The following FAT3 variants were observed in gnomAD, a reference collection of about 807,000 sequenced individuals.
FAT3 encodes FAT atypical cadherin 3.
FAT3 carries 95 observed loss-of-function variants against 310.2 expected under a neutral mutation model. The ratio of observed to expected loss-of-function variants is 0.31; its 90% CI spans 0.26 to 0.36. The LOEUF is 0.36. Ranked by LOEUF, FAT3 falls within the 10% of genes least tolerant of loss-of-function variation. The probability of loss-of-function intolerance (pLI) is 1.00; values close to 1 mark genes in which losing one functional copy is unlikely to be tolerated. For synonymous variants in FAT3, 2,314 were observed against 2,192.9 expected (o/e 1.06, Z -1.54); for missense variants, 5,408 against 5,715.6 (o/e 0.95, Z 1.74).
chr11:92,251,182 C>G (rs985269285), intron 1 of FAT3, among the ~76,000 whole-genome samples: 1 of 152,096 alleles, frequency 6.6e-6, no homozygotes, highest in Non-Finnish European at 1.5e-5. Flanking sequence ...GTGCTAGGTA[C>G]TGTCTAGATA....
At chr11:92,239,733 C>T (rs1386746144) in intron 1 of FAT3, among the ~76,000 whole-genome samples, 1 of 152,086 alleles carries the variant, frequency 6.6e-6, no homozygotes. Context: ...CTGATTTTGG[C>T]TTCTCAGCTG....
Position 92,486,106 on chromosome 11 carries a change from T to C in FAT3, c.3293-38528T>C, listed in dbSNP as rs926671242. On this transcript the variant is annotated intron_variant, in intron 2 of 27. Transcript: ENST00000525166. ...ATGAATTCCTCTAAGGACTCATATG[T>C]GAAATAGAGGAGAGGCTGCTGGGGT... Among the ~76,000 whole-genome samples the C allele has an allele frequency of 1.3e-3, 184 of 137,874 alleles. 2 individuals carry two copies. The highest frequency in any genetic ancestry group is 2.3e-4 in the Non-Finnish European group (15 of 65,546). The allele number at this position is 137,874 out of a possible 152,430, so 90.5% of individuals were successfully genotyped here.
intron 2 of FAT3, among the ~76,000 whole-genome samples, chr11:92,458,376 G>T (rs1456150540): frequency 6.6e-6 from 1 of 152,128 alleles, no homozygotes; most frequent in East Asian, 1.9e-4. Context: ...GTATGTGGAG[G>T]TTTATATAGT....
chr11:92,699,874 T>A (rs1944045857), intron 4 of FAT3, among the ~76,000 whole-genome samples: 1 of 152,160 alleles, frequency 6.6e-6, no homozygotes. Context: ...TTAAGTATTA[T>A]CACATGATGA....
chr11:92,266,085 A>G (rs1945937909), intron 1 of FAT3, among the ~76,000 whole-genome samples: 1 of 152,128 alleles, frequency 6.6e-6, no homozygotes, highest in South Asian at 2.1e-4. Flanking sequence ...TGAACATAGG[A>G]TACAATTTGT....
At chr11:92,468,907 C>A (rs918361370) in intron 2 of FAT3, among the ~76,000 whole-genome samples, 1 of 152,128 alleles carries the variant, frequency 6.6e-6, no homozygotes, top group African/African-American at 2.4e-5. Flanking sequence ...ATTTTAGAAG[C>A]CCTGTGCCAA....
intron 3 of FAT3, among the ~76,000 whole-genome samples, chr11:92,545,773 C>T (rs16917699): frequency 0.011 from 1,726 of 152,266 alleles, 42 homozygotes; most frequent in African/African-American, 0.04. Context: ...ATTTGCCTTG[C>T]CAAGCATCTA....
At chr11:92,339,077 A>G (rs527337654) in intron 1 of FAT3, among the ~76,000 whole-genome samples, 1 of 152,284 alleles carries the variant, frequency 6.6e-6, no homozygotes, top group Admixed American at 6.5e-5. Flanking sequence ...TTTTCTATTA[A>G]TATATCATTG....
intron 4 of FAT3, among the ~76,000 whole-genome samples, chr11:92,741,552 C>T (rs1387027069): frequency 6.6e-6 from 1 of 152,166 alleles, no homozygotes; most frequent in Non-Finnish European, 1.5e-5. Flanking sequence ...GCTGAATATA[C>T]ATACATGAAA....
chr11:92,893,206 A>G lies in FAT3; in HGVS notation c.*2093A>G, dbSNP rs1949955211. ...TCCCAAACTTTCTAAGTAAGTGGAT[A>G]CACTACACTTCACAAGTTTTCCAGC... On this transcript the variant is annotated 3_prime_UTR_variant, in exon 28 of 28. Transcript: ENST00000525166. 6.6e-6 allele frequency: 1 copy of G among 152,210 alleles called. No homozygotes were observed. The highest frequency in any genetic ancestry group is 1.5e-5 in the Non-Finnish European group (1 of 68,042). The allele number at this position is 152,210 out of a possible 1,614,324, so 9.4% of individuals were successfully genotyped here.
intron 3 of FAT3, among the ~76,000 whole-genome samples, chr11:92,689,288 A>G (rs959763943): frequency 1.3e-5 from 2 of 152,254 alleles, no homozygotes; most frequent in East Asian, 3.9e-4. Context: ...TTAGATTGCC[A>G]GTCACTTAGG....
chr11:92,557,627 C>G lies in FAT3; in HGVS notation c.3607+32679C>G, dbSNP rs186260826. On this transcript the variant is annotated intron_variant, in intron 3 of 27. Transcript: ENST00000525166. The stretch of plus-strand genomic sequence containing the variant: ...ATAAATTCTGTATCAGATTCTGTGC[C>G]CCACCTGAATCCAGCCATGCTGCAG... 2.2e-4 allele frequency among the ~76,000 whole-genome samples: 33 copies of G among 152,280 alleles called. No individual in the cohort carries two copies. The East Asian group carries it at 3.9e-3, about 18-fold the overall frequency.
intron 2 of FAT3, among the ~76,000 whole-genome samples, chr11:92,482,321 G>T (rs781599286): frequency 3.9e-5 from 6 of 152,106 alleles, no homozygotes; most frequent in Non-Finnish European, 8.8e-5. Context: ...AATAGTAATA[G>T]CAGTAGCCAT....
chr11:92,308,864 A>AC (rs1323610462), intron 1 of FAT3, among the ~76,000 whole-genome samples: 2 of 152,132 alleles, frequency 1.3e-5, no homozygotes, highest in Admixed American at 1.3e-4. Flanking sequence ...ATAAAAAAAA[A>AC]ATAGCAGACC....
chr11:92,423,225 A>G (rs1180120209), intron 2 of FAT3, among the ~76,000 whole-genome samples: 1 of 152,148 alleles, frequency 6.6e-6, no homozygotes, highest in Admixed American at 6.6e-5. Context: ...CCAAGTCAGT[A>G]CTTTGCAAGC....
At chr11:92,532,194 A>T (rs1338223828) in intron 3 of FAT3, among the ~76,000 whole-genome samples, 1 of 152,132 alleles carries the variant, frequency 6.6e-6, no homozygotes. Context: ...ATTAATAATA[A>T]AATGAAATAC....
intron 13 of FAT3, among the ~76,000 whole-genome samples, chr11:92,814,343 T>C (rs1947762765): frequency 6.6e-6 from 1 of 152,228 alleles, no homozygotes; most frequent in South Asian, 2.1e-4. Context: ...ATATTATTGC[T>C]TTTAGCCAAA....
At chr11:92,545,236 G>C (rs1254814653) in intron 3 of FAT3, among the ~76,000 whole-genome samples, 1 of 152,018 alleles carries the variant, frequency 6.6e-6, no homozygotes, top group Non-Finnish European at 1.5e-5. Context: ...ATCTTCCTTG[G>C]TTACCCAATC....
chr11:92,821,559 A>G (rs915911020), intron 13 of FAT3, among the ~76,000 whole-genome samples: 2 of 152,212 alleles, frequency 1.3e-5, no homozygotes, highest in African/African-American at 4.8e-5. Flanking sequence ...ACAGACTGAA[A>G]AACATAAGTC....
Sources: allele counts gnomAD v4.1 joint callset (sites outside exome capture counted in the v4.1 genomes callset), GRCh38; gene constraint gnomAD v4.1.1; transcripts MANE v1.5; gene names NCBI Gene and HGNC (gene_info 2026-07-23, HGNC 2026-07-21).